Variants in GRB10 observed in about 807,000 individuals in gnomAD.
The protein encoded by GRB10 is growth factor receptor-bound protein 10.
Under a neutral mutation model 80.9 loss-of-function variants are expected in GRB10, and 20 were observed. The observed-to-expected ratio is 0.25, with a 90% confidence interval of 0.17 to 0.36. The LOEUF (loss-of-function observed/expected upper bound fraction) is 0.36, where lower values mean the gene tolerates loss of function less well. GRB10 is among the 10% of genes least tolerant of loss of function. The pLI, the probability that GRB10 is intolerant of heterozygous loss-of-function variation, is 1.00. For synonymous variants in GRB10, 291 were observed against 291.5 expected (o/e 1.00, Z 0.02); for missense variants, 548 against 747.7 (o/e 0.73, Z 3.12).
chr7:50,737,630 C>T (rs527392993), intron 3 of GRB10, among the ~76,000 whole-genome samples: 62 of 152,380 alleles, frequency 4.1e-4, no homozygotes, highest in African/African-American at 1.5e-3. Context: ...AGGTGGATCA[C>T]CTGAGGTCAG....
At chr7:50,775,280 AGGACAAACATTAAATCAATGGTAAGGCT>A (rs2077506541) in intron 2 of GRB10, among the ~76,000 whole-genome samples, 1 of 152,204 alleles carries the variant, frequency 6.6e-6, no homozygotes, top group African/African-American at 2.4e-5. Flanking sequence ...AAAACCAAAC[AGGACAAACATTAAATCAATGGTAAGGCT>A]GGAGAATAAA....
At chr7:50,792,427 AAAAGT>A (rs2078964886) in intron 1 of GRB10, 2 of 398,440 alleles carry the variant, frequency 5.0e-6, no homozygotes, top group Admixed American at 4.4e-5. Context: ...GCACACAATA[AAAAGT>A]AAAGGATACC....
rs5884162 is a variant in GRB10 at position 50,690,320 on chromosome 7, C to CAAA, written c.139+13498_139+13500dup. ...TCAAACAAACAAACAAACAAACAAA[C>CAAA]AAAAAAAACAGAAAAAAAAGAAAAA... On this transcript the variant is annotated intron_variant, in intron 5 of 18. Coordinates refer to ENST00000401949, the MANE Select transcript of GRB10 (RefSeq NM_001350814.2). 1.1e-4 allele frequency among the ~76,000 whole-genome samples: 16 copies of CAAA among 148,794 alleles called. 1 individual carries two copies. The highest frequency in any genetic ancestry group is 3.9e-4 in the Admixed American group (6 of 15,190).
chr7:50,605,009 G>A, intron 15 of GRB10: 1 of 461,450 alleles, frequency 2.2e-6, no homozygotes, highest in Non-Finnish European at 4.0e-6. Flanking sequence ...TTCATCAGCA[G>A]AACAGTTCTG....
At chr7:50,604,613 T>C (rs1264237520) in intron 15 of GRB10, among the ~76,000 whole-genome samples, 19 of 151,892 alleles carry the variant, frequency 1.3e-4, no homozygotes, top group Non-Finnish European at 1.3e-4. Flanking sequence ...CATGCTTATT[T>C]CTCACACTGA....
intron 5 of GRB10, 96 bp downstream of exon 5, chr7:50,703,725 T>A (rs530500935): frequency 1.2e-6 from 1 of 840,844 alleles, no homozygotes; most frequent in Non-Finnish European, 2.0e-6. Flanking sequence ...AGAATTGTAA[T>A]CTATTAGTGT....
At chr7:50,789,095 G>A (rs7791286) in intron 1 of GRB10, among the ~76,000 whole-genome samples, 103,309 of 152,134 alleles carry the variant, frequency 0.68, 37,907 homozygotes, top group East Asian at 0.91. Context: ...TACCTGTGAG[G>A]AGTTCAAACT....
At chr7:50,741,824 C>T (rs1022979412) in intron 3 of GRB10, among the ~76,000 whole-genome samples, 2 of 151,724 alleles carry the variant, frequency 1.3e-5, no homozygotes, top group African/African-American at 2.4e-5. Flanking sequence ...AGTCAAAAAT[C>T]GGAAAGCAAA....
chr7:50,756,754 TG>T (rs370489574), intron 2 of GRB10, among the ~76,000 whole-genome samples: 32 of 152,290 alleles, frequency 2.1e-4, no homozygotes, highest in African/African-American at 7.7e-4. Context: ...GGCAACTCAC[TG>T]GTCTTCCCAG....
chr7:50,643,950 T>C (rs1231303169), intron 7 of GRB10, among the ~76,000 whole-genome samples: 3 of 152,172 alleles, frequency 2.0e-5, no homozygotes, highest in African/African-American at 4.8e-5. Context: ...TAAAGAAACA[T>C]ACGTGCGTGA....
chr7:50,619,515 C>T (rs1178115519), intron 8 of GRB10, among the ~76,000 whole-genome samples: 1 of 152,174 alleles, frequency 6.6e-6, no homozygotes, highest in Non-Finnish European at 1.5e-5. Context: ...TTTTTATATA[C>T]TTTTTGAATT....
At chr7:50,711,175 TAA>T (rs60661876) in intron 4 of GRB10, among the ~76,000 whole-genome samples, 598 of 143,172 alleles carry the variant, frequency 4.2e-3, no homozygotes, top group Middle Eastern at 7.2e-3. Flanking sequence ...CCAACCAAAT[TAA>T]AAAAAAAAAA....
intron 5 of GRB10, among the ~76,000 whole-genome samples, chr7:50,686,187 T>C (rs932071348): frequency 2.0e-5 from 3 of 152,140 alleles, no homozygotes; most frequent in African/African-American, 4.8e-5. Flanking sequence ...GATTGGGTCA[T>C]TGGGGTAGAA....
chr7:50,609,078 A>G (rs1202394549), intron 13 of GRB10, among the ~76,000 whole-genome samples: 1 of 152,216 alleles, frequency 6.6e-6, no homozygotes, highest in Non-Finnish European at 1.5e-5. Context: ...TAATAAATCT[A>G]AAAAATTAAG....
intron 4 of GRB10, among the ~76,000 whole-genome samples, chr7:50,724,508 C>T (rs569248035): frequency 6.6e-6 from 1 of 152,256 alleles, no homozygotes; most frequent in South Asian, 2.1e-4. Context: ...AGAGACCTTC[C>T]TTCAAAAAAG....
intron 5 of GRB10, among the ~76,000 whole-genome samples, chr7:50,687,620 A>AT (rs1281695790): frequency 1.3e-5 from 2 of 152,174 alleles, no homozygotes; most frequent in Non-Finnish European, 2.9e-5. Flanking sequence ...GGAAGACACC[A>AT]TTTTGCATGT....
At chr7:50,730,622 T>C (rs114339347) in intron 4 of GRB10, among the ~76,000 whole-genome samples, 161 of 152,240 alleles carry the variant, frequency 1.1e-3, no homozygotes, top group African/African-American at 3.9e-3. Flanking sequence ...TGACAGCACA[T>C]AGCAGGGAAA....
chr7:50,603,984 T>C lies in GRB10; in HGVS notation c.1544+14A>G. On this transcript the variant is annotated intron_variant, in intron 17 of 18. Transcript: ENST00000401949. ...CTTAGCAGATGACAGCTCTTATCAG[T>C]GGTGGTTCCTTACCCATCCACGAGC... 1 of 1,582,864 alleles carries C rather than the reference T, an allele frequency of 6.3e-7. No individual in the cohort carries two copies. The highest frequency in any genetic ancestry group is 8.7e-7 in the Non-Finnish European group (1 of 1,151,454).
chr7:50,594,685 C>A (rs1335281392), intron 18 of GRB10, among the ~76,000 whole-genome samples: 1 of 152,190 alleles, frequency 6.6e-6, no homozygotes, highest in African/African-American at 2.4e-5. Context: ...CTCAACTAAA[C>A]TGAATTCTTG....
Sources: gnomAD v4.1 joint callset for allele counts (sites outside exome capture counted in the v4.1 genomes callset) on GRCh38, gnomAD v4.1.1 for gene constraint, MANE v1.5 for transcripts, NCBI Gene and HGNC (gene_info 2026-07-23, HGNC 2026-07-21) for gene names.